DST: variants seen among roughly 807,000 people sequenced by gnomAD.
DST encodes bullous pemphigoid antigen.
Under a neutral mutation model 875.2 loss-of-function variants are expected in DST, and 253 were observed. The ratio of observed to expected loss-of-function variants is 0.29; its 90% CI spans 0.26 to 0.32. The LOEUF (loss-of-function observed/expected upper bound fraction) is 0.32. DST is among the 10% of genes least tolerant of loss of function. The pLI is 1.00. For missense variants in DST, 8,287 were observed against 9,111.6 expected, an observed-to-expected ratio of 0.91 and a Z score of 3.68; for synonymous variants, 3,124 against 3,197.1, an observed-to-expected ratio of 0.98 and a Z score of 0.77.
Position 56,593,772 on chromosome 6 carries a change from T to C in DST, c.12617A>G (p.Lys4206Arg). The C allele has an allele frequency of 1.9e-6, 3 of 1,613,980 alleles. No homozygotes were observed. Among genetic ancestry groups the C allele is most frequent in the Non-Finnish European group, 1.7e-6 (2 of 1,179,858 alleles). ...ISGNRVLEAA[K>R]SCSKRDGGKV... ...GCCACCGTCTCTCTTGCTGCAAGAT[T>C]TGGCAGCTTCCAACACTCTGTTTCC... The change falls in exon 48 of 104, where the codon AAA (lysine) becomes AGA (arginine). Residue 4206 changes from lysine to arginine, a missense_variant. Physicochemically the swap from Lys to Arg is conservative, Grantham distance 26 (BLOSUM62 2). Transcript: ENST00000680361.
intron 55 of DST, among the ~76,000 whole-genome samples, chr6:56,567,822 AC>A (rs949915285): frequency 6.6e-6 from 1 of 152,214 alleles, no homozygotes; most frequent in Non-Finnish European, 1.5e-5. Flanking sequence ...TTTTAAAAAA[AC>A]TTGTTACTGT....
chr6:56,802,828 C>T (rs890681724), intron 4 of DST, among the ~76,000 whole-genome samples: 2 of 152,142 alleles, frequency 1.3e-5, no homozygotes, highest in Non-Finnish European at 2.9e-5. Flanking sequence ...TATAAACATC[C>T]CCATTCATAA....
intron 4 of DST, among the ~76,000 whole-genome samples, chr6:56,805,679 T>C (rs2099752231): frequency 6.6e-6 from 1 of 152,118 alleles, no homozygotes; most frequent in Admixed American, 6.6e-5. Flanking sequence ...ATTCTAAGAG[T>C]GTAACTTAAA....
Position 56,572,938 on chromosome 6 carries a change from A to G in DST, c.13363T>C (p.Ser4455Pro). The G allele has an allele frequency of 1.2e-6, 2 of 1,613,176 alleles. No individual in the cohort carries two copies. The highest frequency in any genetic ancestry group is 1.1e-5 in the South Asian group (1 of 90,952). Residue 4455 changes from serine to proline, a missense_variant, in exon 52 of 104, where the codon TCT becomes CCT. This residue lies in a region of DST where 1,513 missense variants were observed against 1,677.8 expected (regional missense o/e 0.90). Coordinates refer to ENST00000680361, the MANE Select transcript of DST (RefSeq NM_001374736.1). ...SSLQAKMKDL[S>P]ARFSEASHKH... ...TGACTTGCTTCTGAAAACCGAGCAG[A>G]CAAGTCTTTCATTTTGGCTTGCAGT...
chr6:56,615,268 T>G, intron 36 of DST: 2 of 1,173,276 alleles, frequency 1.7e-6, no homozygotes, highest in Non-Finnish European at 2.2e-6. Flanking sequence ...AAAAAAAACA[T>G]TTTAGTGTGG....
In DST at chr6:56,639,988, T is replaced by G; in HGVS notation, c.2560A>C (p.Asn854His). The change falls in exon 19 of 104, where the codon AAT becomes CAT. Residue 854 changes from asparagine to histidine, a missense_variant. By Grantham distance (68) the Asn-to-His change is moderately conservative (BLOSUM62 1). Coordinates refer to ENST00000680361, the MANE Select transcript of DST (RefSeq NM_001374736.1). ...AATTCTTCAATAGCTCTATGAACAT[T>G]TTTATGATTTTCTAAATGGCTTTCA... ...SVESHLENHK[N>H]VHRAIEEFES... is the part of the protein sequence containing the mutation. 6.2e-7 allele frequency: 1 copy of G among 1,613,950 alleles called. No homozygotes were observed. The highest frequency in any genetic ancestry group is 8.5e-7 in the Non-Finnish European group (1 of 1,179,860).
chr6:56,899,024 C>A (rs1445301387), intron 3 of DST, among the ~76,000 whole-genome samples: 1 of 152,106 alleles, frequency 6.6e-6, no homozygotes, highest in Non-Finnish European at 1.5e-5. Flanking sequence ...AGATCCAAAT[C>A]CTAAACTCTA....
In DST at chr6:56,781,689, C is replaced by T. The variant is rs571744572; in HGVS notation, c.626-46400G>A. Reference sequence around the variant, plus strand: ...GCAAACAGGGACAATTTGACTTCCTCCTTTCCTAATTGAATACCCTTTATT... The same window carrying T: ...GCAAACAGGGACAATTTGACTTCCTTCTTTCCTAATTGAATACCCTTTATT... On this transcript the variant is annotated intron_variant, in intron 4 of 103. Transcript: ENST00000680361. Among the ~76,000 whole-genome samples the T allele has an allele frequency of 8.5e-5, 13 of 152,322 alleles. No homozygotes were observed. The South Asian group carries it at 2.7e-3, about 32-fold the overall frequency.
chr6:56,543,097 C>T (rs544831068), intron 61 of DST, among the ~76,000 whole-genome samples: 1 of 152,294 alleles, frequency 6.6e-6, no homozygotes, highest in South Asian at 2.1e-4. Flanking sequence ...GTAGGGCTTG[C>T]GGAGGCAGAA....
chr6:56,618,309 A>G, intron 36 of DST: 1 of 1,614,004 alleles, frequency 6.2e-7, no homozygotes, highest in African/African-American at 1.3e-5. Flanking sequence ...AACAGAGGGG[A>G]TCTGGGTGTT....
intron 63 of DST, 26 bp from the exon 64 acceptor site, chr6:56,532,536 A>G (rs1562603833): frequency 1.3e-6 from 2 of 1,536,962 alleles, no homozygotes; most frequent in Non-Finnish European, 1.8e-6. Context: ...TAAATATAAA[A>G]AAGCAAGGGA....
chr6:56,872,832 C>CCCCCGCT (rs5876523), intron 3 of DST, among the ~76,000 whole-genome samples: 3 of 127,890 alleles, frequency 2.3e-5, no homozygotes, highest in Non-Finnish European at 4.9e-5. Flanking sequence ...TCCCCCCCCC[C>CCCCCGCT]TTTTTTTTTT....
chr6:56,844,871 C>CAA (rs11389743), intron 4 of DST, among the ~76,000 whole-genome samples: 73 of 123,230 alleles, frequency 5.9e-4, no homozygotes, highest in African/African-American at 2.1e-3. Flanking sequence ...GACTCCGTCT[C>CAA]AAAAAAAAAA....
rs76767680 is a variant in DST at position 56,687,118 on chromosome 6, T to C, written c.1047+12535A>G. Among the ~76,000 whole-genome samples, 17 of 152,330 alleles carry C rather than the reference T, an allele frequency of 1.1e-4. No homozygotes were observed. In the East Asian group the frequency reaches 3.1e-3, roughly 28 times the overall value. On this transcript the variant is annotated intron_variant, in intron 9 of 103. Transcript: ENST00000680361. Reference sequence around the variant, plus strand: ...TGACTTGTGGGACACACAGTGGATGTAGAAATGATAGTCAAATGTTCTTCT... The same window carrying C: ...TGACTTGTGGGACACACAGTGGATGCAGAAATGATAGTCAAATGTTCTTCT...
intron 49 of DST, among the ~76,000 whole-genome samples, chr6:56,588,433 G>A (rs1372093153): frequency 6.6e-6 from 1 of 152,020 alleles, no homozygotes; most frequent in Non-Finnish European, 1.5e-5. Flanking sequence ...CTCACTCCTA[G>A]CTTTAGTAAG....
At chr6:56,825,020 G>C (rs565888932) in intron 4 of DST, among the ~76,000 whole-genome samples, 3 of 152,218 alleles carry the variant, frequency 2.0e-5, no homozygotes, top group Admixed American at 2.0e-4. Flanking sequence ...CATTGAGAAC[G>C]GGCCATGATG....
At chr6:56,867,336 T>C (rs1046739548) in intron 3 of DST, among the ~76,000 whole-genome samples, 7 of 152,232 alleles carry the variant, frequency 4.6e-5, no homozygotes, top group Non-Finnish European at 1.0e-4. Context: ...GCTTAAGAAA[T>C]GCCCACTACT....
At chr6:56,788,614 C>G (rs374350153) in intron 4 of DST, among the ~76,000 whole-genome samples, 4 of 152,288 alleles carry the variant, frequency 2.6e-5, no homozygotes, top group African/African-American at 9.6e-5. Flanking sequence ...GGCTACAGCA[C>G]AATATGTAAA....
At chr6:56,821,248 G>T (rs2099772738) in intron 4 of DST, among the ~76,000 whole-genome samples, 1 of 152,188 alleles carries the variant, frequency 6.6e-6, no homozygotes. Flanking sequence ...CATGTCTTCT[G>T]TTGGGATCTA....
Sources: gnomAD v4.1 joint callset for allele counts (sites outside exome capture counted in the v4.1 genomes callset) on GRCh38, gnomAD v4.1.1 for gene constraint, gnomAD v4.1.1 regional missense constraint, MANE v1.5 for transcripts, NCBI Gene and HGNC (gene_info 2026-07-23, HGNC 2026-07-21) for gene names.